CNTNAP5: variants seen among roughly 807,000 people sequenced by gnomAD.
CNTNAP5 encodes the protein contactin associated protein family member 5.
CNTNAP5 carries 72 observed loss-of-function variants against 150.2 expected under a neutral mutation model. That is an observed-to-expected ratio of 0.48 (90% CI 0.40 to 0.58). The LOEUF is 0.58. Ranked by LOEUF, CNTNAP5 falls within the 20% of genes least tolerant of loss-of-function variation. The pLI, the probability that CNTNAP5 is intolerant of heterozygous loss-of-function variation, is 0.00. For synonymous variants in CNTNAP5, 672 were observed against 619.8 expected, an observed-to-expected ratio of 1.08 and a Z score of -1.25; for missense variants, 1,636 against 1,626.2, an observed-to-expected ratio of 1.01 and a Z score of -0.10.
intron 1 of CNTNAP5, among the ~76,000 whole-genome samples, chr2:124,160,570 A>G (rs1684652872): frequency 6.6e-6 from 1 of 152,088 alleles, no homozygotes; most frequent in Non-Finnish European, 1.5e-5. Context: ...GCCCATAAGC[A>G]ATAAACTATA....
intron 10 of CNTNAP5, among the ~76,000 whole-genome samples, chr2:124,548,747 A>G (rs183893559): frequency 6.6e-6 from 1 of 152,356 alleles, no homozygotes; most frequent in East Asian, 1.9e-4. Context: ...GTTCACAGTT[A>G]CTTACATTTT....
At chr2:124,693,639 C>T (rs1263746737) in intron 13 of CNTNAP5, among the ~76,000 whole-genome samples, 2 of 151,976 alleles carry the variant, frequency 1.3e-5, no homozygotes, top group South Asian at 2.1e-4. Flanking sequence ...CTGTGGAGGC[C>T]GTGGCTGAGA....
At chr2:124,639,025 C>T (rs1678034435) in intron 12 of CNTNAP5, among the ~76,000 whole-genome samples, 1 of 152,186 alleles carries the variant, frequency 6.6e-6, no homozygotes, top group East Asian at 1.9e-4. Context: ...TCCTTTCCCA[C>T]CATGTGTCAC....
intron 6 of CNTNAP5, among the ~76,000 whole-genome samples, chr2:124,448,279 A>AAT: frequency 6.7e-6 from 1 of 149,544 alleles, no homozygotes; most frequent in African/African-American, 2.4e-5. Context: ...AAATAATAAT[A>AAT]ATAATAATAA....
intron 13 of CNTNAP5, among the ~76,000 whole-genome samples, chr2:124,718,943 T>TAAAAAAA (rs35290858): frequency 7.2e-6 from 1 of 138,572 alleles, no homozygotes. Context: ...AGACTCCATC[T>TAAAAAAA]AAAAAAAAAA....
At chr2:124,164,585 A>T (rs939437343) in intron 1 of CNTNAP5, among the ~76,000 whole-genome samples, 1 of 152,176 alleles carries the variant, frequency 6.6e-6, no homozygotes, top group African/African-American at 2.4e-5. Flanking sequence ...TTCTAAGTGG[A>T]GGGGAAGTCC....
chr2:124,137,278 T>C (rs1218630318), intron 1 of CNTNAP5, among the ~76,000 whole-genome samples: 1 of 148,498 alleles, frequency 6.7e-6, no homozygotes, highest in Admixed American at 6.9e-5. Context: ...TTTGACACTT[T>C]TATAATGTCT....
At chr2:124,135,379 C>T (rs912217593) in intron 1 of CNTNAP5, among the ~76,000 whole-genome samples, 3 of 152,158 alleles carry the variant, frequency 2.0e-5, no homozygotes, top group East Asian at 1.9e-4. Flanking sequence ...TGGGCTGGCC[C>T]GTACTTCTTT....
At chr2:124,796,007 TCA>T (rs1164199332) in intron 18 of CNTNAP5, among the ~76,000 whole-genome samples, 3 of 152,242 alleles carry the variant, frequency 2.0e-5, no homozygotes, top group Non-Finnish European at 4.4e-5. Context: ...TTTTAGATGC[TCA>T]GATAACTCAA....
At chr2:124,571,059 A>C (rs1030084134) in intron 11 of CNTNAP5, among the ~76,000 whole-genome samples, 33 of 152,232 alleles carry the variant, frequency 2.2e-4, no homozygotes, top group African/African-American at 7.2e-4. Context: ...TGAGTAAAAC[A>C]ATCTTATTTA....
chr2:124,530,580 C>G (rs1695081799), intron 10 of CNTNAP5, among the ~76,000 whole-genome samples: 1 of 152,146 alleles, frequency 6.6e-6, no homozygotes, highest in South Asian at 2.1e-4. Context: ...GGGCAAATTA[C>G]CAAATCTTCT....
At chr2:124,460,045 A>C (rs1319576829) in intron 6 of CNTNAP5, among the ~76,000 whole-genome samples, 1 of 152,246 alleles carries the variant, frequency 6.6e-6, no homozygotes, top group East Asian at 1.9e-4. Flanking sequence ...ATTAAAAGGA[A>C]TGAGGCAATC....
At chr2:124,489,734 A>G (rs900767225) in intron 7 of CNTNAP5, among the ~76,000 whole-genome samples, 18 of 151,970 alleles carry the variant, frequency 1.2e-4, no homozygotes, top group African/African-American at 2.7e-4. Context: ...CCAACCCTCC[A>G]TCTTCCATTC....
intron 7 of CNTNAP5, among the ~76,000 whole-genome samples, chr2:124,488,554 G>C (rs765758925): frequency 6.6e-5 from 10 of 152,290 alleles, no homozygotes; most frequent in Non-Finnish European, 7.4e-5. Flanking sequence ...TAATCACTGA[G>C]TTTCTAAATG....
At chr2:124,462,235 A>G (rs1311837060) in intron 6 of CNTNAP5, among the ~76,000 whole-genome samples, 6 of 152,030 alleles carry the variant, frequency 3.9e-5, no homozygotes, top group Non-Finnish European at 7.4e-5. Context: ...GAGGAGAGAA[A>G]ATCAATGTCT....
intron 3 of CNTNAP5, among the ~76,000 whole-genome samples, chr2:124,414,349 A>G (rs1229092135): frequency 5.3e-5 from 8 of 152,118 alleles, no homozygotes; most frequent in South Asian, 4.1e-4. Flanking sequence ...TTTAGATTCA[A>G]TCTGCCTCTA....
intron 1 of CNTNAP5, among the ~76,000 whole-genome samples, chr2:124,202,720 T>G (rs6710969): frequency 0.77 from 117,508 of 152,108 alleles, 45,727 homozygotes; most frequent in East Asian, 1. Flanking sequence ...AAGAGAGTGT[T>G]TGCAGGGGAA....
chr2:124,575,216 CTCTT>C (rs1260958784), intron 11 of CNTNAP5, among the ~76,000 whole-genome samples: 1 of 152,218 alleles, frequency 6.6e-6, no homozygotes, highest in East Asian at 1.9e-4. Context: ...AATATTGTGA[CTCTT>C]TCCAAGATTC....
chr2:124,122,021 C>T (rs534121415), intron 1 of CNTNAP5, among the ~76,000 whole-genome samples: 2 of 152,134 alleles, frequency 1.3e-5, no homozygotes, highest in Non-Finnish European at 1.5e-5. Context: ...AGGTTTCATA[C>T]CAGCTAATTC....
Sources: gnomAD v4.1 joint callset for allele counts (sites outside exome capture counted in the v4.1 genomes callset) on GRCh38, gnomAD v4.1.1 for gene constraint, MANE v1.5 for transcripts, NCBI Gene and HGNC (gene_info 2026-07-23, HGNC 2026-07-21) for gene names.